The following ARHGAP10 variants were observed in gnomAD, a reference collection of about 807,000 sequenced individuals.
The protein encoded by ARHGAP10 is rho GTPase-activating protein 10.
In ARHGAP10, 87 loss-of-function variants were observed where a neutral mutation model predicts 108.6. The ratio of observed to expected loss-of-function variants is 0.80; its 90% CI spans 0.67 to 0.96. The LOEUF (loss-of-function observed/expected upper bound fraction) is 0.96. ARHGAP10 is among the 40% of genes least tolerant of loss of function. The pLI is 0.00. For synonymous variants in ARHGAP10, 347 were observed against 341.1 expected (o/e 1.02, Z -0.19); for missense variants, 939 against 954.5 (o/e 0.98, Z 0.21).
At chr4:147,822,618 A>T (rs1393225355) in intron 1 of ARHGAP10, 109 bp from the exon 2 acceptor site, 37 of 1,097,644 alleles carry the variant, frequency 3.4e-5, no homozygotes, top group Non-Finnish European at 4.6e-5. Context: ...CTTCTCATAG[A>T]TTGAGCGGAG....
chr4:147,884,903 G>A (rs1047449690), intron 10 of ARHGAP10, among the ~76,000 whole-genome samples: 1 of 152,218 alleles, frequency 6.6e-6, no homozygotes, highest in Non-Finnish European at 1.5e-5. Context: ...AATTATATTT[G>A]TATTTCTCAA....
chr4:147,933,854 T>G lies in ARHGAP10; in HGVS notation c.1229-5971T>G, dbSNP rs531760116. Among the ~76,000 whole-genome samples the G allele has an allele frequency of 4.6e-3, 705 of 152,226 alleles. 4 individuals carry two copies. Among genetic ancestry groups the G allele is most frequent in the Non-Finnish European group, 7.3e-3 (497 of 68,002 alleles). The stretch of plus-strand genomic sequence containing the variant: ...GCAGAGGCTGGAGAGCCAGGCTCTT[T>G]GGGTGTATGTCTCATAGTAGGTCTC... On this transcript the variant is annotated intron_variant, in intron 13 of 22. Coordinates refer to ENST00000336498, the MANE Select transcript of ARHGAP10 (RefSeq NM_024605.4).
chr4:148,009,741 G>A (rs1242361892), intron 18 of ARHGAP10, among the ~76,000 whole-genome samples: 1 of 152,146 alleles, frequency 6.6e-6, no homozygotes, highest in Non-Finnish European at 1.5e-5. Context: ...CATCTAGTCA[G>A]ATGGACTAAC....
chr4:147,949,634 A>G (rs1738521161), intron 15 of ARHGAP10, among the ~76,000 whole-genome samples: 1 of 149,320 alleles, frequency 6.7e-6, no homozygotes. Flanking sequence ...CACATGAAGG[A>G]AAGAGTAGGT....
intron 20 of ARHGAP10, among the ~76,000 whole-genome samples, chr4:148,057,199 A>G (rs546868905): frequency 6.6e-6 from 1 of 152,350 alleles, no homozygotes; most frequent in South Asian, 2.1e-4. Flanking sequence ...CTCAGCCAAC[A>G]ATGATAGTGC....
intron 3 of ARHGAP10, among the ~76,000 whole-genome samples, chr4:147,832,930 G>T (rs1407063692): frequency 6.6e-6 from 1 of 152,144 alleles, no homozygotes; most frequent in Non-Finnish European, 1.5e-5. Flanking sequence ...TAGCTCCTCA[G>T]TATTTCAGTC....
chr4:147,794,722 A>G (rs557846645), intron 1 of ARHGAP10, among the ~76,000 whole-genome samples: 23 of 152,298 alleles, frequency 1.5e-4, no homozygotes, highest in Admixed American at 1.5e-3. Flanking sequence ...CATTATCTCC[A>G]TTTTACAGAT....
At chr4:147,850,345 G>C (rs1202710170) in intron 4 of ARHGAP10, among the ~76,000 whole-genome samples, 2 of 152,244 alleles carry the variant, frequency 1.3e-5, no homozygotes, top group Admixed American at 6.5e-5. Context: ...CCCTTCCCAT[G>C]CTGTGGAAGC....
chr4:147,957,807 C>G (rs1206128362), intron 16 of ARHGAP10, among the ~76,000 whole-genome samples: 1 of 152,034 alleles, frequency 6.6e-6, no homozygotes, highest in African/African-American at 2.4e-5. Context: ...GTTCATGATA[C>G]AAATATAAAT....
chr4:148,007,496 G>T (rs1425219081), intron 18 of ARHGAP10, among the ~76,000 whole-genome samples: 1 of 152,182 alleles, frequency 6.6e-6, no homozygotes, highest in Non-Finnish European at 1.5e-5. Flanking sequence ...GCTTGATGAG[G>T]ATATCTTCTG....
chr4:147,983,887 A>G (rs978455988), intron 18 of ARHGAP10, among the ~76,000 whole-genome samples: 3 of 152,086 alleles, frequency 2.0e-5, no homozygotes, highest in Admixed American at 6.5e-5. Context: ...CTACTGCTGG[A>G]GTTCTTATGC....
At chr4:147,978,591 A>G (rs1259363371) in intron 18 of ARHGAP10, among the ~76,000 whole-genome samples, 1 of 152,166 alleles carries the variant, frequency 6.6e-6, no homozygotes, top group African/African-American at 2.4e-5. Flanking sequence ...CTGCTCCGCC[A>G]CAGTAAGGTG....
intron 8 of ARHGAP10, among the ~76,000 whole-genome samples, chr4:147,877,204 A>G (rs2126865324): frequency 6.6e-6 from 1 of 152,004 alleles, no homozygotes; most frequent in Middle Eastern, 3.4e-3. Flanking sequence ...TTAAATAGAC[A>G]GTATCATCCT....
intron 1 of ARHGAP10, among the ~76,000 whole-genome samples, chr4:147,765,442 A>C (rs1309355064): frequency 6.6e-6 from 1 of 151,990 alleles, no homozygotes; most frequent in South Asian, 2.1e-4. Context: ...TCTTCTGATT[A>C]AAACACAAGG....
At chr4:147,895,650 T>C (rs1400527433) in intron 10 of ARHGAP10, among the ~76,000 whole-genome samples, 2 of 151,156 alleles carry the variant, frequency 1.3e-5, no homozygotes, top group East Asian at 3.9e-4. Context: ...CGTGTCACTG[T>C]ACTACAGCCT....
chr4:147,766,588 A>G (rs1404101857), intron 1 of ARHGAP10, among the ~76,000 whole-genome samples: 1 of 145,710 alleles, frequency 6.9e-6, no homozygotes, highest in Non-Finnish European at 1.5e-5. Context: ...ATATACACAT[A>G]CATATATGTA....
intron 1 of ARHGAP10, among the ~76,000 whole-genome samples, chr4:147,804,341 T>C (rs1029680909): frequency 6.6e-6 from 1 of 152,232 alleles, no homozygotes; most frequent in Non-Finnish European, 1.5e-5. Context: ...TGTTCTTTTT[T>C]TTATGGCCAT....
intron 10 of ARHGAP10, among the ~76,000 whole-genome samples, chr4:147,896,020 T>C (rs971679002): frequency 1.3e-5 from 2 of 152,240 alleles, no homozygotes; most frequent in African/African-American, 4.8e-5. Flanking sequence ...GGATGTGAAT[T>C]ACACTGAATT....
chr4:148,008,424 G>A (rs371154481), intron 18 of ARHGAP10, among the ~76,000 whole-genome samples: 2 of 151,674 alleles, frequency 1.3e-5, no homozygotes, highest in Non-Finnish European at 2.9e-5. Context: ...ATTTTGGCCC[G>A]AAGGGGACAT....
Sources: allele counts gnomAD v4.1 joint callset (sites outside exome capture counted in the v4.1 genomes callset), GRCh38; gene constraint gnomAD v4.1.1; transcripts MANE v1.5; gene names NCBI Gene and HGNC (gene_info 2026-07-23, HGNC 2026-07-21).